The following BHMT2 variants were observed in gnomAD, a reference collection of about 807,000 sequenced individuals.
BHMT2 encodes the protein S-methylmethionine--homocysteine S-methyltransferase BHMT2.
BHMT2 carries 28 observed loss-of-function variants against 39.0 expected under a neutral mutation model. The observed-to-expected ratio is 0.72, with a 90% CI of 0.53 to 0.98. BHMT2 has a LOEUF of 0.98. Among genes scored for constraint, BHMT2 ranks in the 50% least tolerant of loss-of-function variants. The pLI is 0.00. For synonymous variants in BHMT2, 145 were observed against 160.6 expected (o/e 0.90, Z 0.74); for missense variants, 410 against 455.6 (o/e 0.90, Z 0.91).
At chr5:79,086,491 C>T (rs1257383454) in intron 7 of BHMT2, among the ~76,000 whole-genome samples, 1 of 152,134 alleles carries the variant, frequency 6.6e-6, no homozygotes, top group African/African-American at 2.4e-5. Context: ...AACTTCCAAT[C>T]TAATACTCTG....
intron 7 of BHMT2, 24 bp downstream of exon 7, chr5:79,083,880 C>A (rs751989623): frequency 6.3e-7 from 1 of 1,585,640 alleles, no homozygotes; most frequent in South Asian, 1.1e-5. Context: ...AATTAACATT[C>A]TTATTATTTT....
intron 1 of BHMT2, among the ~76,000 whole-genome samples, chr5:79,073,642 A>G (rs1755621586): frequency 6.6e-6 from 1 of 152,232 alleles, no homozygotes; most frequent in Admixed American, 6.5e-5. Flanking sequence ...AAATATTAAC[A>G]TTTCTTCTGC....
At chr5:79,077,991 A>G (rs1755710008) in intron 2 of BHMT2, 1 of 158,560 alleles carries the variant, frequency 6.3e-6, no homozygotes, top group Non-Finnish European at 1.4e-5. Flanking sequence ...TCATACACAC[A>G]CACATCTGCA....
chr5:79,083,413 G>A (rs748314803), intron 6 of BHMT2, 39 bp downstream of exon 6: 32 of 1,542,166 alleles, frequency 2.1e-5, no homozygotes, highest in Admixed American at 1.5e-4. Flanking sequence ...TGTATTTCTC[G>A]TGACAAAATC....
rs145099848 is a variant in BHMT2 at position 79,083,626 on chromosome 5, A to G, written c.782-2A>G. The G allele has an allele frequency of 2.3e-4, 365 of 1,613,796 alleles. 1 individual carries two copies. Among genetic ancestry groups the G allele is most frequent in the Middle Eastern group, 8.2e-4 (5 of 6,076 alleles). ...GAAATGCTGTTAACTATTGTGATTC[A>G]GGACTGGAGTCCAGAGTTGCCACCA... On this transcript the variant is annotated splice_acceptor_variant, in intron 6 of 7. Transcript: ENST00000255192. LOFTEE classifies it high-confidence loss of function.
At chr5:79,076,939 T>C (rs1196924327) in intron 1 of BHMT2, among the ~76,000 whole-genome samples, 4 of 152,230 alleles carry the variant, frequency 2.6e-5, no homozygotes, top group Admixed American at 6.5e-5. Context: ...AGGCATTATG[T>C]TGGCATTCCA....
At chr5:79,086,409 A>T (rs1755894748) in intron 7 of BHMT2, among the ~76,000 whole-genome samples, 2 of 151,974 alleles carry the variant, frequency 1.3e-5, no homozygotes. Flanking sequence ...CCTCCTTTTA[A>T]CTTCTGTGCA....
chr5:79,082,937 T>C lies in BHMT2; in HGVS notation c.579T>C (p.Ala193=). Residue 193 remains alanine, a synonymous_variant, in exon 5 of 8, where the codon GCT becomes GCC. Transcript: ENST00000255192. ...DMHDITPGEC[A]VRLVKAGASI... Reference sequence around the variant, plus strand: ...ATGATATAACCCCCGGAGAATGTGCTGTGAGGCTGGTGAAGGCAGGTAATT... The same window carrying C: ...ATGATATAACCCCCGGAGAATGTGCCGTGAGGCTGGTGAAGGCAGGTAATT... 1 of 1,614,178 alleles carries C rather than the reference T, an allele frequency of 6.2e-7. No individual in the cohort carries two copies. Among genetic ancestry groups the C allele is most frequent in the South Asian group, 1.1e-5 (1 of 91,080 alleles).
rs1755990210 is a variant in BHMT2 at position 79,089,993 on chromosome 5, T to C, written c.*1419T>C. ...GGTCTTATATCTTCTTATGTTTGTG[T>C]TATTTCATGTGTGCCAGTTTCTCTT... is the stretch of plus-strand genomic sequence containing the variant. On this transcript the variant is annotated 3_prime_UTR_variant, in exon 8 of 8. Coordinates refer to ENST00000255192, the MANE Select transcript of BHMT2 (RefSeq NM_017614.5). Among the ~76,000 whole-genome samples, 1 of 152,242 alleles carries C rather than the reference T, an allele frequency of 6.6e-6. No homozygotes were observed. Among genetic ancestry groups the C allele is most frequent in the South Asian group, 2.1e-4 (1 of 4,832 alleles).
chr5:79,080,000 G>C (rs758869508), intron 3 of BHMT2, among the ~76,000 whole-genome samples: 2 of 152,238 alleles, frequency 1.3e-5, no homozygotes, highest in African/African-American at 4.8e-5. Context: ...GGGCATGGCT[G>C]TCTTCTTGTG....
At chr5:79,071,822 TAAA>T (rs60114073) in intron 1 of BHMT2, among the ~76,000 whole-genome samples, 89 of 103,508 alleles carry the variant, frequency 8.6e-4, no homozygotes, top group Middle Eastern at 5.4e-3. Flanking sequence ...AACTTAAAAG[TAAA>T]AAAAAAAAAA....
At position 79,080,863 on chromosome 5, in the gene BHMT2, C is replaced by T. The variant is rs1212994971; in HGVS notation, c.435C>T (p.Asp145=). The change falls in exon 4 of 8, where the codon GAC becomes GAT. Residue 145 remains aspartate, a synonymous_variant. Coordinates refer to ENST00000255192, the MANE Select transcript of BHMT2 (RefSeq NM_017614.5). The part of the protein sequence containing the change: ...QLEVFAWKNV[D]FLIAEYFEHV... ...AAGTTTTTGCCTGGAAAAATGTGGA[C>T]TTCTTGATTGCAGAGGTGAGGCTAG... The T allele has an allele frequency of 6.3e-7, 1 of 1,595,434 alleles. No homozygotes were observed. The highest frequency in any genetic ancestry group is 1.4e-5 in the African/African-American group (1 of 73,740).
intron 1 of BHMT2, among the ~76,000 whole-genome samples, chr5:79,076,967 T>C (rs543760795): frequency 2.6e-5 from 4 of 152,228 alleles, no homozygotes; most frequent in South Asian, 2.1e-4. Context: ...AGGAGGAAAA[T>C]AGACAAAAGG....
chr5:79,079,250 A>G (rs1755735288), intron 2 of BHMT2, 119 bp from the exon 3 acceptor site: 2 of 687,118 alleles, frequency 2.9e-6, no homozygotes, highest in African/African-American at 3.6e-5. Context: ...CTAGGTTTGA[A>G]CTGAGGTATG....
At chr5:79,077,390 G>A (rs954429577) in intron 1 of BHMT2, 90 bp from the exon 2 acceptor site, 154 of 1,495,830 alleles carry the variant, frequency 1.0e-4, no homozygotes, top group Non-Finnish European at 1.3e-4. Flanking sequence ...CTCTAAGAAC[G>A]TAATACCACT....
At chr5:79,078,349 TCTAA>T (rs1013186333) in intron 2 of BHMT2, among the ~76,000 whole-genome samples, 1 of 152,162 alleles carries the variant, frequency 6.6e-6, no homozygotes, top group Admixed American at 6.5e-5. Flanking sequence ...TTAATTCTCT[TCTAA>T]CTCTTTTTTT....
chr5:79,083,203 G>T lies in BHMT2; in HGVS notation c.610G>T (p.Val204Phe), dbSNP rs139123468. The T allele has an allele frequency of 3.1e-6, 5 of 1,614,038 alleles. No homozygotes were observed. Among genetic ancestry groups the T allele is most frequent in the South Asian group, 1.1e-5 (1 of 91,082 alleles). The change falls in exon 6 of 8, where the codon GTT (valine) becomes TTT (phenylalanine). Residue 204 changes from valine (V) to phenylalanine (F), a missense_variant. Physicochemically the swap from Val to Phe is conservative, Grantham distance 50. Coordinates refer to ENST00000255192, the MANE Select transcript of BHMT2 (RefSeq NM_017614.5). ...ATTTCTTTGCACAGGGGCTTCCATC[G>T]TTGGCGTGAACTGCCGCTTTGGGCC... ...VRLVKAGASI[V>F]GVNCRFGPDT... is the part of the protein sequence containing the mutation.
Position 79,083,696 on chromosome 5 carries a change from G to A in BHMT2, c.850G>A (p.Val284Ile), listed in dbSNP as rs765929227. Residue 284 changes from valine to isoleucine, a missense_variant, in exon 7 of 8, where the codon GTC becomes ATC. Physicochemically the swap from Val to Ile is conservative, Grantham distance 29. Transcript: ENST00000255192. ...CGCCAGAGAGGCCTACAACCTGGGG[G>A]TCAGGTACATTGGCGGGTGCTGTGG... ...KYAREAYNLG[V>I]RYIGGCCGFE... The A allele has an allele frequency of 1.2e-6, 2 of 1,613,984 alleles. No individual in the cohort carries two copies. Among genetic ancestry groups the A allele is most frequent in the Admixed American group, 3.3e-5 (2 of 60,002 alleles).
At chr5:79,082,195 G>T (rs1192197653) in intron 4 of BHMT2, among the ~76,000 whole-genome samples, 1 of 152,186 alleles carries the variant, frequency 6.6e-6, no homozygotes, top group Non-Finnish European at 1.5e-5. Flanking sequence ...CACTGAAGGG[G>T]CTTCCTGGGA....
Sources: gnomAD v4.1 joint callset for allele counts (sites outside exome capture counted in the v4.1 genomes callset) on GRCh38, gnomAD v4.1.1 for gene constraint, MANE v1.5 for transcripts, NCBI Gene and HGNC (gene_info 2026-07-23, HGNC 2026-07-21) for gene names.